Variants in USP2 observed in about 807,000 individuals in gnomAD.
USP2 encodes the protein ubiquitin carboxyl-terminal hydrolase 2.
Under a neutral mutation model 72.0 loss-of-function variants are expected in USP2, and 33 were observed. That is an observed-to-expected ratio of 0.46 (90% CI 0.35 to 0.61). The LOEUF (loss-of-function observed/expected upper bound fraction) is 0.61, where lower values mean the gene tolerates loss of function less well. Ranked by LOEUF, USP2 falls within the 20% of genes least tolerant of loss-of-function variation. The probability of loss-of-function intolerance (pLI) is 0.01; values close to 1 mark genes in which losing one functional copy is unlikely to be tolerated. For missense variants in USP2, 691 were observed against 797.8 expected (o/e 0.87, Z 1.61); for synonymous variants, 296 against 312.5 (o/e 0.95, Z 0.56).
chr11:119,359,910 G>A (rs955135015), intron 3 of USP2, among the ~76,000 whole-genome samples: 4 of 152,258 alleles, frequency 2.6e-5, no homozygotes, highest in African/African-American at 9.6e-5. Flanking sequence ...ATGGACAGAA[G>A]TGTGTGGGAA....
At chr11:119,381,395 G>A in intron 1 of USP2, 78 bp downstream of exon 1, 1 of 1,444,690 alleles carries the variant, frequency 6.9e-7, no homozygotes, top group South Asian at 1.2e-5. Flanking sequence ...GAATGTCGTG[G>A]ACACCTTACT....
intron 2 of USP2, among the ~76,000 whole-genome samples, chr11:119,362,505 T>C (rs908498147): frequency 6.6e-6 from 1 of 150,810 alleles, no homozygotes; most frequent in Non-Finnish European, 1.5e-5. Context: ...AGAAGGCGGG[T>C]GGATAACAGG....
At chr11:119,367,540 A>T (rs1386405615) in intron 2 of USP2, among the ~76,000 whole-genome samples, 1 of 152,154 alleles carries the variant, frequency 6.6e-6, no homozygotes, top group East Asian at 1.9e-4. Context: ...AGGGGCTCTG[A>T]GTCCTTGTTA....
chr11:119,359,726 A>T (rs796548260), intron 3 of USP2, 66 bp from the exon 4 acceptor site: 1 of 1,581,196 alleles, frequency 6.3e-7, no homozygotes, highest in Non-Finnish European at 8.6e-7. Context: ...GTTACTTACT[A>T]CCAGAGGCTC....
chr11:119,356,169 A>G lies in USP2; in HGVS notation c.*666T>C, dbSNP rs1408967820. ...TAGCACCACGGAGGGCTAGCATTAG[A>G]AAGTTGTACTTGGAAAAGCAATAAA... On this transcript the variant is annotated 3_prime_UTR_variant, in exon 13 of 13. Coordinates refer to ENST00000260187, the MANE Select transcript of USP2 (RefSeq NM_004205.5). 3 of 152,308 alleles carry G rather than the reference A, an allele frequency of 2.0e-5. No individual in the cohort carries two copies. The highest frequency in any genetic ancestry group is 4.4e-5 in the Non-Finnish European group (3 of 68,020). The allele number at this position is 152,308 out of a possible 1,614,324, so 9.4% of individuals were successfully genotyped here.
At chr11:119,359,488 G>T in intron 4 of USP2, 49 bp downstream of exon 4, 1 of 1,610,800 alleles carries the variant, frequency 6.2e-7, no homozygotes, top group Non-Finnish European at 8.5e-7. Flanking sequence ...CCAGTGGAGT[G>T]GAGGAGCATC....
intron 11 of USP2, 82 bp from the exon 12 acceptor site, chr11:119,357,389 G>C: frequency 6.2e-7 from 1 of 1,607,720 alleles, no homozygotes; most frequent in Middle Eastern, 1.7e-4. Context: ...GGGTCTCTCA[G>C]TAGCTGGTGC....
intron 1 of USP2, among the ~76,000 whole-genome samples, chr11:119,379,917 C>CTTTTTTTTTTTTTTTTT (rs397816714): frequency 8.6e-6 from 1 of 116,546 alleles, no homozygotes; most frequent in African/African-American, 3.3e-5. Flanking sequence ...GTTCCTTTCT[C>CTTTTTTTTTTTTTTTTT]TTTTTTTTTT....
At chr11:119,364,257 G>A in intron 2 of USP2, 1 of 966,566 alleles carries the variant, frequency 1.0e-6, no homozygotes, top group Non-Finnish European at 1.3e-6. Flanking sequence ...GCTGGGGCGG[G>A]GCCAGGCCCT....
chr11:119,357,219 C>A lies in USP2; in HGVS notation c.1698G>T (p.Gly566=). The A allele has an allele frequency of 6.2e-7, 1 of 1,613,848 alleles. No individual in the cohort carries two copies. The highest frequency in any genetic ancestry group is 8.5e-7 in the Non-Finnish European group (1 of 1,180,000). ...CGTTGAAAGTGTGCCATTCTCCTGTCCCTGGACTGCGACAGTAGGCTGTAT... is the reference window on the plus strand; with the variant it reads ...CGTTGAAAGTGTGCCATTCTCCTGTACCTGGACTGCGACAGTAGGCTGTAT... ...GHYTAYCRSP[G]TGEWHTFNDS... The change falls in exon 12 of 13, where the codon GGG becomes GGT. Residue 566 remains glycine, a synonymous_variant. Coordinates refer to ENST00000260187, the MANE Select transcript of USP2 (RefSeq NM_004205.5).
chr11:119,378,447 C>A (rs1016127442), intron 1 of USP2, among the ~76,000 whole-genome samples: 1 of 152,196 alleles, frequency 6.6e-6, no homozygotes, highest in Non-Finnish European at 1.5e-5. Flanking sequence ...CTATCAGGGG[C>A]TAGCACCCGC....
rs182044654 is a variant in USP2 at position 119,369,736 on chromosome 11, C to T, written c.774+2971G>A. Among the ~76,000 whole-genome samples the T allele has an allele frequency of 7.7e-4, 117 of 152,236 alleles. 1 individual carries two copies. Among genetic ancestry groups the T allele is most frequent in the African/African-American group, 2.6e-3 (107 of 41,548 alleles). Reference sequence around the variant, plus strand: ...CCCTTTTATAGTCTAGGAAATACAGCCCAGCTGATAGGTGTCCAAGGTTAG... The same window carrying T: ...CCCTTTTATAGTCTAGGAAATACAGTCCAGCTGATAGGTGTCCAAGGTTAG... On this transcript the variant is annotated intron_variant, in intron 2 of 12. Coordinates refer to ENST00000260187, the MANE Select transcript of USP2 (RefSeq NM_004205.5).
intron 1 of USP2, 127 bp from the exon 2 acceptor site, chr11:119,373,648 G>T: frequency 2.1e-6 from 2 of 948,700 alleles, no homozygotes; most frequent in Non-Finnish European, 3.0e-6. Context: ...AGGCAGGCTG[G>T]CTGCTGAGAA....
In USP2 at chr11:119,357,503, T is replaced by C. The variant is rs1332640372; in HGVS notation, c.1589A>G (p.Glu530Gly). 3 of 1,614,152 alleles carry C rather than the reference T, an allele frequency of 1.9e-6. No homozygotes were observed. Among genetic ancestry groups the C allele is most frequent in the Non-Finnish European group, 2.5e-6 (3 of 1,180,022 alleles). Residue 530 changes from glutamate (E) to glycine (G), a missense_variant, in exon 11 of 13, where the codon GAA becomes GGA. By Grantham distance (98) the Glu-to-Gly change is moderately conservative. Coordinates refer to ENST00000260187, the MANE Select transcript of USP2 (RefSeq NM_004205.5). ...NFPLRDLDLREFASENTNHAV... is the reference protein window; with the variant it reads ...NFPLRDLDLRGFASENTNHAV... ...CTCACTGGTGTTTTCTGAGGCAAAT[T>C]CTCTTAAGTCCAGGTCTCTTAGGGG...
At chr11:119,358,344 T>C in intron 7 of USP2, 92 bp from the exon 8 acceptor site, 9 of 1,169,478 alleles carry the variant, frequency 7.7e-6, no homozygotes, top group Non-Finnish European at 9.9e-6. Context: ...TGAGATGGAG[T>C]TTTGCTCTGT....
chr11:119,359,518 A>G lies in USP2; in HGVS notation c.949+19T>C. ...AGCATCCGGGGGTAGGCAGGGGCAC[A>G]TGACAGAGGGCCTCTCACCTTCCAC... On this transcript the variant is annotated intron_variant, in intron 4 of 12. Transcript: ENST00000260187. 1 of 1,613,410 alleles carries G rather than the reference A, an allele frequency of 6.2e-7. No homozygotes were observed. The highest frequency in any genetic ancestry group is 8.5e-7 in the Non-Finnish European group (1 of 1,179,936).
At chr11:119,368,502 C>T (rs560708816) in intron 2 of USP2, among the ~76,000 whole-genome samples, 79 of 152,334 alleles carry the variant, frequency 5.2e-4, no homozygotes, top group Non-Finnish European at 9.0e-4. Flanking sequence ...AGTCCAAAGT[C>T]CCACCCCAGG....
chr11:119,381,544 G>C lies in USP2; in HGVS notation c.-113C>G. Reference sequence around the variant, plus strand: ...GAGCTGCGGGTGAGTCCCGGCTGGCGCTGGCGCGGCGCAGTGAGCACCAGC... The same window carrying C: ...GAGCTGCGGGTGAGTCCCGGCTGGCCCTGGCGCGGCGCAGTGAGCACCAGC... On this transcript the variant is annotated 5_prime_UTR_variant, in exon 1 of 13. Transcript: ENST00000260187. 6.5e-7 allele frequency: 1 copy of C among 1,536,084 alleles called. No individual in the cohort carries two copies. Among genetic ancestry groups the C allele is most frequent in the South Asian group, 1.2e-5 (1 of 84,058 alleles).
At chr11:119,363,049 C>A (rs895705860) in intron 2 of USP2, among the ~76,000 whole-genome samples, 4 of 152,196 alleles carry the variant, frequency 2.6e-5, no homozygotes, top group Non-Finnish European at 5.9e-5. Flanking sequence ...CACTTGAGAC[C>A]CCAATCAAGG....
Sources: allele counts gnomAD v4.1 joint callset (sites outside exome capture counted in the v4.1 genomes callset), GRCh38; gene constraint gnomAD v4.1.1; transcripts MANE v1.5; gene names NCBI Gene and HGNC (gene_info 2026-07-23, HGNC 2026-07-21).